Variants in EDEM3 observed in about 807,000 individuals in gnomAD.
The protein encoded by EDEM3 is ER degradation enhancing alpha-mannosidase like protein 3, also known as ER degradation-enhancing alpha-mannosidase-like protein 3.
In EDEM3, 60 loss-of-function variants were observed where a neutral mutation model predicts 110.2. The ratio of observed to expected loss-of-function variants is 0.54; its 90% CI spans 0.44 to 0.67. EDEM3 has a LOEUF of 0.67. Ranked by LOEUF, EDEM3 falls within the 30% of genes least tolerant of loss-of-function variation. The probability of loss-of-function intolerance (pLI) is 0.00; values close to 1 mark genes in which losing one functional copy is unlikely to be tolerated. For missense variants in EDEM3, 996 were observed against 1,121.0 expected (o/e 0.89, Z 1.59); for synonymous variants, 352 against 382.9 (o/e 0.92, Z 0.94).
chr1:184,717,023 G>T lies in EDEM3; in HGVS notation c.1246-11C>A, dbSNP rs1446420766. 6 of 1,591,828 alleles carry T rather than the reference G, an allele frequency of 3.8e-6. No individual in the cohort carries two copies. In the Admixed American group the frequency reaches 1.0e-4, roughly 27 times the overall value. On this transcript the variant is annotated splice_polypyrimidine_tract_variant and intron_variant, in intron 12 of 19. Transcript: ENST00000318130. ...AGGATCTCCTGTAGCCTATTAAAAA[G>T]GAGAATATATGTATAATATATATAG...
chr1:184,696,320 TAAG>T (rs1201906273), intron 19 of EDEM3, among the ~76,000 whole-genome samples: 2 of 151,964 alleles, frequency 1.3e-5, no homozygotes, highest in Admixed American at 6.6e-5. Flanking sequence ...TCCTCTACCC[TAAG>T]AAGAGGGTAT....
At chr1:184,735,584 T>C (rs1439559222) in intron 4 of EDEM3, among the ~76,000 whole-genome samples, 1 of 152,244 alleles carries the variant, frequency 6.6e-6, no homozygotes, top group African/African-American at 2.4e-5. Context: ...TTTCACTTGA[T>C]TTGATACGTA....
chr1:184,707,953 A>C (rs565989863), intron 17 of EDEM3, among the ~76,000 whole-genome samples, 200 bp downstream of exon 17: 1 of 152,322 alleles, frequency 6.6e-6, no homozygotes, highest in South Asian at 2.1e-4. Context: ...ATTTTAGTTA[A>C]AATTCTGTAA....
In EDEM3 at chr1:184,700,563, G is replaced by A. The variant is rs564461064; in HGVS notation, c.2389+2248C>T. The stretch of plus-strand genomic sequence containing the variant: ...GGAAGCAGCTACAACACAATCACCC[G>A]GGATGTTTGTTTGAAGTTTCAGATT... On this transcript the variant is annotated intron_variant, in intron 19 of 19. Coordinates refer to ENST00000318130, the MANE Select transcript of EDEM3 (RefSeq NM_025191.4). 5.9e-5 allele frequency among the ~76,000 whole-genome samples: 9 copies of A among 151,972 alleles called. No homozygotes were observed. The South Asian group carries it at 6.2e-4, about 10-fold the overall frequency.
chr1:184,703,109 C>A (rs774867570), intron 18 of EDEM3, 113 bp from the exon 19 acceptor site: 1 of 845,300 alleles, frequency 1.2e-6, no homozygotes, highest in South Asian at 2.5e-5. Context: ...GCATCAAGAA[C>A]CATAAAAACC....
At chr1:184,698,718 A>G (rs1353168260) in intron 19 of EDEM3, among the ~76,000 whole-genome samples, 1 of 151,774 alleles carries the variant, frequency 6.6e-6, no homozygotes, top group Non-Finnish European at 1.5e-5. Flanking sequence ...TAACTATTCT[A>G]TGCAGCACTA....
chr1:184,709,550 G>A (rs1650111693), intron 16 of EDEM3, among the ~76,000 whole-genome samples: 2 of 152,216 alleles, frequency 1.3e-5, no homozygotes, highest in Admixed American at 1.3e-4. Flanking sequence ...GAAGGGTTCA[G>A]CCAATAGTTA....
intron 19 of EDEM3, among the ~76,000 whole-genome samples, chr1:184,695,877 G>A (rs1488561516): frequency 6.6e-6 from 1 of 151,850 alleles, no homozygotes; most frequent in East Asian, 1.9e-4. Flanking sequence ...GGGTATTGCT[G>A]GGGCACAGAA....
chr1:184,740,585 T>C (rs1317475797), intron 2 of EDEM3, among the ~76,000 whole-genome samples: 3 of 152,240 alleles, frequency 2.0e-5, no homozygotes, highest in Non-Finnish European at 4.4e-5. Flanking sequence ...TGAGTGTATG[T>C]TGCCTCCTAG....
At position 184,723,642 on chromosome 1, in the gene EDEM3, A is replaced by C. The variant is rs963389990; in HGVS notation, c.853+109T>G. ...ATTAAAATTCCAGCAATCTTGTGAG[A>C]ACCTATGCTTTATAGTATCCCAAAG... On this transcript the variant is annotated intron_variant, in intron 8 of 19. Coordinates refer to ENST00000318130, the MANE Select transcript of EDEM3 (RefSeq NM_025191.4). The C allele has an allele frequency of 1.1e-5, 10 of 901,678 alleles. No homozygotes were observed. In the East Asian group the frequency reaches 2.7e-4, roughly 24 times the overall value. The allele number at this position is 901,678 out of a possible 1,614,324, so 55.9% of individuals were successfully genotyped here.
intron 11 of EDEM3, among the ~76,000 whole-genome samples, chr1:184,718,762 A>C (rs1021079058): frequency 6.6e-6 from 1 of 152,160 alleles, no homozygotes; most frequent in African/African-American, 2.4e-5. Flanking sequence ...AGTATATCTA[A>C]TATATACTGT....
intron 2 of EDEM3, among the ~76,000 whole-genome samples, chr1:184,745,862 A>C (rs537318368): frequency 6.6e-6 from 1 of 152,330 alleles, no homozygotes; most frequent in South Asian, 2.1e-4. Flanking sequence ...TAACACAGAC[A>C]GGAAAAACAC....
rs1649728370 is a variant in EDEM3, at chr1:184,703,227, T to C, written c.2204-231A>G. On this transcript the variant is annotated intron_variant, in intron 18 of 19. Transcript: ENST00000318130. ...AATAATTTTACTAGACTATTTATAATTGTAAACAACTGTACACCATTATAA... is the reference window on the plus strand; with the variant it reads ...AATAATTTTACTAGACTATTTATAACTGTAAACAACTGTACACCATTATAA... Among the ~76,000 whole-genome samples the C allele has an allele frequency of 2.6e-5, 4 of 152,200 alleles. No individual in the cohort carries two copies. The South Asian group carries it at 6.2e-4, about 24-fold the overall frequency.
At chr1:184,708,484 C>A in intron 16 of EDEM3, 140 bp from the exon 17 acceptor site, 2 of 722,224 alleles carry the variant, frequency 2.8e-6, no homozygotes, top group Non-Finnish European at 4.4e-6. Flanking sequence ...TATTTATGAC[C>A]TTATTTGTAC....
chr1:184,701,910 A>T (rs1023603204), intron 19 of EDEM3, among the ~76,000 whole-genome samples: 9 of 151,976 alleles, frequency 5.9e-5, no homozygotes, highest in African/African-American at 1.9e-4. Flanking sequence ...ATTTTTTTTT[A>T]AATGTCCCAC....
intron 1 of EDEM3, among the ~76,000 whole-genome samples, chr1:184,750,076 T>C (rs1652673342): frequency 6.6e-6 from 1 of 152,246 alleles, no homozygotes; most frequent in African/African-American, 2.4e-5. Flanking sequence ...CAACGCTTTA[T>C]GAAGCCTCTG....
chr1:184,733,118 A>G lies in EDEM3; in HGVS notation c.459-128T>C, dbSNP rs1292984161. 7.4e-6 allele frequency: 7 copies of G among 940,848 alleles called. No individual in the cohort carries two copies. In the African/African-American group the frequency reaches 1.2e-4, roughly 16 times the overall value. 58.3% of individuals were successfully genotyped at this position (940,848 alleles called of 1,614,324 possible). ...GAAAGACAAAAATTACTTAAACATTATTTACTTAACACTGCTCATTTTATG... is the reference window on the plus strand; with the variant it reads ...GAAAGACAAAAATTACTTAAACATTGTTTACTTAACACTGCTCATTTTATG... On this transcript the variant is annotated intron_variant, in intron 5 of 19. Transcript: ENST00000318130.
chr1:184,721,459 C>A, intron 8 of EDEM3, 73 bp from the exon 9 acceptor site: 1 of 1,081,738 alleles, frequency 9.2e-7, no homozygotes, highest in Non-Finnish European at 1.3e-6. Flanking sequence ...AAATAGCACT[C>A]CTTAGATTAG....
chr1:184,700,672 G>T (rs978093943), intron 19 of EDEM3, among the ~76,000 whole-genome samples: 1 of 151,956 alleles, frequency 6.6e-6, no homozygotes, highest in African/African-American at 2.4e-5. Flanking sequence ...TCTAACAAGT[G>T]TATCTGTTGA....
Sources: gnomAD v4.1 joint callset for allele counts (sites outside exome capture counted in the v4.1 genomes callset) on GRCh38, gnomAD v4.1.1 for gene constraint, MANE v1.5 for transcripts, NCBI Gene and HGNC (gene_info 2026-07-23, HGNC 2026-07-21) for gene names.